Variants in CNTN4 observed in about 807,000 individuals in gnomAD.
CNTN4 encodes contactin 4, also known as contactin-4.
A neutral mutation model predicts 122.5 loss-of-function variants in CNTN4; 77 were observed. That is an observed-to-expected ratio of 0.63 (90% CI 0.52 to 0.76). CNTN4 has a LOEUF of 0.76. Among genes scored for constraint, CNTN4 ranks in the 30% least tolerant of loss-of-function variants. CNTN4 has a pLI of 0.00. For synonymous variants in CNTN4, 512 were observed against 447.0 expected (o/e 1.15, Z -1.83); for missense variants, 1,256 against 1,259.1 (o/e 1.00, Z 0.04).
intron 2 of CNTN4, among the ~76,000 whole-genome samples, chr3:2,123,933 C>G (rs1338931452): frequency 6.6e-6 from 1 of 152,066 alleles, no homozygotes; most frequent in Non-Finnish European, 1.5e-5. Context: ...TGATTAGGCC[C>G]TGGTGAATTT....
intron 13 of CNTN4, among the ~76,000 whole-genome samples, chr3:2,956,662 G>A (rs1371389490): frequency 1.3e-5 from 2 of 151,896 alleles, no homozygotes; most frequent in African/African-American, 4.8e-5. Context: ...CATGACTTGT[G>A]TATATATTAT....
At chr3:2,761,130 T>G (rs2090570919) in intron 6 of CNTN4, among the ~76,000 whole-genome samples, 1 of 152,212 alleles carries the variant, frequency 6.6e-6, no homozygotes, top group African/African-American at 2.4e-5. Context: ...ACTCGTTTTC[T>G]AAGAACAATG....
At chr3:2,099,967 C>A (rs1350770828) in intron 1 of CNTN4, among the ~76,000 whole-genome samples, 1 of 152,214 alleles carries the variant, frequency 6.6e-6, no homozygotes, top group Non-Finnish European at 1.5e-5. Context: ...GCCAGAGAGT[C>A]GGCTGCATGG....
At chr3:2,539,408 A>G (rs1260491615) in intron 3 of CNTN4, among the ~76,000 whole-genome samples, 1 of 152,066 alleles carries the variant, frequency 6.6e-6, no homozygotes, top group Non-Finnish European at 1.5e-5. Context: ...ATTGGCACTA[A>G]TTTCTTTTGA....
chr3:2,927,453 A>G (rs1334157367), intron 13 of CNTN4: 1 of 378,040 alleles, frequency 2.6e-6, no homozygotes, highest in Non-Finnish European at 5.3e-6. Context: ...ACTTTCACTC[A>G]CATTTCATTG....
At chr3:2,674,976 C>T (rs963905821) in intron 4 of CNTN4, among the ~76,000 whole-genome samples, 7 of 152,176 alleles carry the variant, frequency 4.6e-5, no homozygotes, top group East Asian at 3.9e-4. Context: ...AGTGAGAACA[C>T]GTGGTATTTA....
chr3:2,424,425 A>T (rs1559540316), intron 3 of CNTN4, among the ~76,000 whole-genome samples: 1 of 152,060 alleles, frequency 6.6e-6, no homozygotes, highest in South Asian at 2.1e-4. Context: ...ATAGTATTCC[A>T]TGGTATATAT....
chr3:2,347,391 G>A (rs527358862), intron 3 of CNTN4, among the ~76,000 whole-genome samples: 216 of 147,606 alleles, frequency 1.5e-3, no homozygotes, highest in Admixed American at 2.4e-3. Flanking sequence ...TGACTCCAAA[G>A]GCTATAAGGA....
At chr3:2,687,739 G>A (rs1177036661) in intron 4 of CNTN4, among the ~76,000 whole-genome samples, 2 of 152,138 alleles carry the variant, frequency 1.3e-5, no homozygotes, top group African/African-American at 2.4e-5. Context: ...TAATCGAATG[G>A]GAATTTAAAG....
chr3:2,161,551 C>T (rs1054729490), intron 2 of CNTN4, among the ~76,000 whole-genome samples: 1 of 152,000 alleles, frequency 6.6e-6, no homozygotes, highest in Non-Finnish European at 1.5e-5. Flanking sequence ...TCAAGAATGA[C>T]TCCACTTTTG....
chr3:2,625,325 T>C (rs2082142473), intron 4 of CNTN4, among the ~76,000 whole-genome samples: 1 of 152,112 alleles, frequency 6.6e-6, no homozygotes, highest in South Asian at 2.1e-4. Context: ...TCTAAAACTA[T>C]TTGCATTAAA....
chr3:3,030,590 T>G (rs902426401), intron 15 of CNTN4, among the ~76,000 whole-genome samples: 2 of 152,180 alleles, frequency 1.3e-5, no homozygotes, highest in African/African-American at 4.8e-5. Context: ...GCATGTAACT[T>G]ACGTCCTTCC....
chr3:2,396,785 A>G (rs2046658150), intron 3 of CNTN4, among the ~76,000 whole-genome samples: 1 of 151,980 alleles, frequency 6.6e-6, no homozygotes, highest in Non-Finnish European at 1.5e-5. Context: ...ATGAATTATT[A>G]ATTATTAGAC....
At chr3:2,221,746 A>G (rs1490164561) in intron 2 of CNTN4, among the ~76,000 whole-genome samples, 8 of 152,134 alleles carry the variant, frequency 5.3e-5, no homozygotes, top group Non-Finnish European at 1.2e-4. Context: ...TTGAATAGAC[A>G]CAGCTTCAAA....
In CNTN4 at chr3:3,031,062, G is replaced by C. The variant is rs138872192; in HGVS notation, c.1783+87G>C. On this transcript the variant is annotated intron_variant, in intron 16 of 24. Coordinates refer to ENST00000418658, the MANE Select transcript of CNTN4 (RefSeq NM_175607.3). ...GAGTTCCAGAAACCTCAGTGGTTTA[G>C]AATTATGGGAAAAAGTCAGGCAGAA... 4.1e-4 allele frequency: 640 copies of C among 1,556,940 alleles called. 5 individuals carry two copies. In the African/African-American group the frequency reaches 5.1e-3, roughly 12 times the overall value.
chr3:2,678,581 C>A (rs969432134), intron 4 of CNTN4, among the ~76,000 whole-genome samples: 3 of 152,124 alleles, frequency 2.0e-5, no homozygotes, highest in African/African-American at 7.2e-5. Context: ...GAAATATTCC[C>A]AGTATAAAGT....
At chr3:2,723,000 C>CT (rs528731388) in intron 4 of CNTN4, among the ~76,000 whole-genome samples, 10 of 152,224 alleles carry the variant, frequency 6.6e-5, no homozygotes, top group Admixed American at 1.3e-4. Flanking sequence ...GGGAAATGGA[C>CT]TTTCACTTGT....
At chr3:3,010,513 G>A (rs1006636387) in intron 14 of CNTN4, among the ~76,000 whole-genome samples, 3 of 150,706 alleles carry the variant, frequency 2.0e-5, no homozygotes, top group South Asian at 2.1e-4. Context: ...AAAAGTTTTA[G>A]AAGGTTCCTA....
intron 3 of CNTN4, among the ~76,000 whole-genome samples, chr3:2,420,041 G>A (rs2047557659): frequency 1.3e-5 from 2 of 152,154 alleles, no homozygotes; most frequent in African/African-American, 2.4e-5. Context: ...TAGAGTCAGG[G>A]AATTTGCTAG....
Sources: allele counts gnomAD v4.1 joint callset (sites outside exome capture counted in the v4.1 genomes callset), GRCh38; gene constraint gnomAD v4.1.1; transcripts MANE v1.5; gene names NCBI Gene and HGNC (gene_info 2026-07-23, HGNC 2026-07-21).